The following ITSN1 variants were observed in gnomAD, a reference collection of about 807,000 sequenced individuals.
ITSN1 encodes the protein intersectin 1, also known as intersectin-1.
A neutral mutation model predicts 239.8 loss-of-function variants in ITSN1; 58 were observed. That is an observed-to-expected ratio of 0.24 (90% CI 0.20 to 0.30). The LOEUF is 0.30. Ranked by LOEUF, ITSN1 falls within the 10% of genes least tolerant of loss-of-function variation. ITSN1 has a pLI of 1.00. For missense variants in ITSN1, 1,558 were observed against 2,103.3 expected, an observed-to-expected ratio of 0.74 and a Z score of 5.07; for synonymous variants, 780 against 770.8, an observed-to-expected ratio of 1.01 and a Z score of -0.20.
chr21:33,888,886 G>C lies in ITSN1; in HGVS notation c.*586G>C, dbSNP rs1986153166. 1 of 152,304 alleles carries C rather than the reference G, an allele frequency of 6.6e-6. No homozygotes were observed. Among genetic ancestry groups the C allele is most frequent in the Admixed American group, 6.5e-5 (1 of 15,278 alleles). The allele number at this position is 152,304 out of a possible 1,614,324, so 9.4% of individuals were successfully genotyped here. On this transcript the variant is annotated 3_prime_UTR_variant, in exon 40 of 40. Coordinates refer to ENST00000381318, the MANE Select transcript of ITSN1 (RefSeq NM_003024.3). ...CCCTGGCTTAGCTCTTTGAAGAGCT[G>C]GTCTATGGAAGTTTCCAGCATGTGC...
intron 4 of ITSN1, among the ~76,000 whole-genome samples, chr21:33,730,506 A>G (rs980368479): frequency 1.4e-5 from 2 of 141,268 alleles, no homozygotes; most frequent in African/African-American, 5.3e-5. Flanking sequence ...GGTTTAAGCA[A>G]CTCTCTGCCT....
intron 1 of ITSN1, among the ~76,000 whole-genome samples, chr21:33,712,899 C>CT: frequency 6.6e-6 from 1 of 152,222 alleles, no homozygotes; most frequent in Non-Finnish European, 1.5e-5. Context: ...ATTTTTGAGA[C>CT]TGAGTCTTGC....
chr21:33,759,819 G>T (rs1651738656), intron 8 of ITSN1, among the ~76,000 whole-genome samples: 1 of 152,184 alleles, frequency 6.6e-6, no homozygotes, highest in South Asian at 2.1e-4. Context: ...TAATGGACAG[G>T]CCGGGCACAG....
chr21:33,709,953 A>G (rs879337905), intron 1 of ITSN1, among the ~76,000 whole-genome samples: 25 of 151,974 alleles, frequency 1.6e-4, no homozygotes, highest in Non-Finnish European at 2.8e-4. Context: ...CTTCTTCCTG[A>G]TCTCAGGCTG....
At chr21:33,848,834 C>T (rs2075066997) in intron 29 of ITSN1, among the ~76,000 whole-genome samples, 1 of 152,246 alleles carries the variant, frequency 6.6e-6, no homozygotes, top group African/African-American at 2.4e-5. Flanking sequence ...TCCCTCACCG[C>T]TGCCTGCCCC....
At chr21:33,874,463 C>T (rs1035621864) in intron 33 of ITSN1, among the ~76,000 whole-genome samples, 1 of 152,112 alleles carries the variant, frequency 6.6e-6, no homozygotes, top group Non-Finnish European at 1.5e-5. Flanking sequence ...CACCTGTTGG[C>T]TCTTAGACCC....
At chr21:33,788,794 T>C (rs1332042402) in intron 16 of ITSN1, among the ~76,000 whole-genome samples, 13 of 152,160 alleles carry the variant, frequency 8.5e-5, no homozygotes, top group Non-Finnish European at 5.9e-5. Context: ...CTCTCAGTTT[T>C]AATGCATCGA....
At chr21:33,647,971 C>G (rs1451657544) in intron 1 of ITSN1, among the ~76,000 whole-genome samples, 2 of 152,202 alleles carry the variant, frequency 1.3e-5, no homozygotes, top group Admixed American at 6.5e-5. Context: ...AGGATCAAAG[C>G]CTATGCTAAA....
chr21:33,866,785 G>T (rs1432432815), intron 32 of ITSN1, among the ~76,000 whole-genome samples: 1 of 152,296 alleles, frequency 6.6e-6, no homozygotes, highest in Non-Finnish European at 1.5e-5. Flanking sequence ...GCACGTGCAG[G>T]CTCCACTCAA....
intron 1 of ITSN1, among the ~76,000 whole-genome samples, chr21:33,660,499 T>A (rs1371209286): frequency 1.3e-5 from 2 of 152,176 alleles, no homozygotes; most frequent in East Asian, 1.9e-4. Flanking sequence ...AACAAAAAAA[T>A]TTAGTGAAAA....
intron 9 of ITSN1, among the ~76,000 whole-genome samples, chr21:33,762,360 G>C (rs7277191): frequency 1.3e-5 from 2 of 150,970 alleles, no homozygotes; most frequent in Non-Finnish European, 2.9e-5. Context: ...TCCACCTCCC[G>C]GGTTCAAGCG....
intron 5 of ITSN1, among the ~76,000 whole-genome samples, chr21:33,737,506 T>C (rs1278050545): frequency 6.6e-6 from 1 of 152,244 alleles, no homozygotes; most frequent in Admixed American, 6.5e-5. Context: ...AAAATACATA[T>C]ATATATTTTA....
intron 1 of ITSN1, among the ~76,000 whole-genome samples, chr21:33,652,840 G>A (rs568521015): frequency 6.6e-6 from 1 of 152,138 alleles, no homozygotes; most frequent in East Asian, 1.9e-4. Flanking sequence ...TTTTGGTCTT[G>A]CATTCAATGC....
chr21:33,747,499 A>G (rs185206564), intron 5 of ITSN1, among the ~76,000 whole-genome samples: 1 of 137,400 alleles, frequency 7.3e-6, no homozygotes, highest in East Asian at 2.1e-4. Flanking sequence ...ACACACCTCA[A>G]GTAGGGTAAA....
intron 16 of ITSN1, among the ~76,000 whole-genome samples, chr21:33,789,917 G>A (rs2070975484): frequency 6.6e-6 from 1 of 152,190 alleles, no homozygotes. Flanking sequence ...GATGTCCAAA[G>A]ATGTTTTATG....
chr21:33,803,154 TAA>T (rs1569211502), intron 20 of ITSN1, among the ~76,000 whole-genome samples: 2 of 152,360 alleles, frequency 1.3e-5, no homozygotes, highest in East Asian at 3.9e-4. Flanking sequence ...TGAGCAAGTT[TAA>T]AAGTCTGGTA....
At chr21:33,690,805 ATATATATATG>A (rs1473696731) in intron 1 of ITSN1, among the ~76,000 whole-genome samples, 368 of 21,840 alleles carry the variant, frequency 0.017, 67 homozygotes, top group African/African-American at 0.025. Flanking sequence ...ATATATATAT[ATATATATATG>A]TATATATATA....
In ITSN1 at chr21:33,774,726, C is replaced by T. The variant is rs1253547245; in HGVS notation, c.1306-3C>T. The T allele has an allele frequency of 1.2e-6, 2 of 1,611,108 alleles. No individual in the cohort carries two copies. The highest frequency in any genetic ancestry group is 1.7e-6 in the Non-Finnish European group (2 of 1,179,214). ...TAGTAATTTGTCTCTGTAAATGTCA[C>T]AGGCTGCAAAACGGGAACTTGAAAG... On this transcript the variant is annotated splice_polypyrimidine_tract_variant and splice_region_variant and intron_variant, in intron 12 of 39. Transcript: ENST00000381318.
chr21:33,805,665 T>G (rs1267102617), intron 20 of ITSN1, among the ~76,000 whole-genome samples: 1 of 151,994 alleles, frequency 6.6e-6, no homozygotes, highest in Non-Finnish European at 1.5e-5. Context: ...GAAAGAGTTT[T>G]TTTGTTTGTT....
Sources: allele counts gnomAD v4.1 joint callset (sites outside exome capture counted in the v4.1 genomes callset), GRCh38; gene constraint gnomAD v4.1.1; transcripts MANE v1.5; gene names NCBI Gene and HGNC (gene_info 2026-07-23, HGNC 2026-07-21).